PTH2R: variants seen among roughly 807,000 people sequenced by gnomAD.
The protein encoded by PTH2R is PTH2 receptor.
In PTH2R, 59 loss-of-function variants were observed where a neutral mutation model predicts 60.3. The observed-to-expected ratio is 0.98, with a 90% CI of 0.79 to 1.22. The LOEUF (loss-of-function observed/expected upper bound fraction) is 1.22. PTH2R is among the 50% of genes most tolerant of loss of function. The probability of loss-of-function intolerance (pLI) is 0.00; values close to 1 mark genes in which losing one functional copy is unlikely to be tolerated. For synonymous variants in PTH2R, 256 were observed against 243.8 expected, an observed-to-expected ratio of 1.05 and a Z score of -0.47; for missense variants, 749 against 682.6, an observed-to-expected ratio of 1.10 and a Z score of -1.08.
chr2:208,385,924 G>T (rs1247708038), intron 1 of PTH2R, among the ~76,000 whole-genome samples: 3 of 152,178 alleles, frequency 2.0e-5, no homozygotes, highest in Non-Finnish European at 4.4e-5. Context: ...AACATATAAA[G>T]ATATTGTTCA....
At chr2:208,390,596 C>G (rs533948636) in intron 1 of PTH2R, among the ~76,000 whole-genome samples, 3 of 152,292 alleles carry the variant, frequency 2.0e-5, no homozygotes, top group Admixed American at 2.0e-4. Flanking sequence ...GATAGTAAAA[C>G]ACTCATGTTT....
At chr2:208,400,552 G>A (rs1355576576) in intron 1 of PTH2R, among the ~76,000 whole-genome samples, 1 of 152,112 alleles carries the variant, frequency 6.6e-6, no homozygotes, top group Non-Finnish European at 1.5e-5. Context: ...ACTAAGGGAT[G>A]GTTCAGAGTA....
At chr2:208,474,108 G>C (rs1354657369) in intron 9 of PTH2R, among the ~76,000 whole-genome samples, 1 of 152,124 alleles carries the variant, frequency 6.6e-6, no homozygotes, top group Non-Finnish European at 1.5e-5. Flanking sequence ...CTCTTAACCA[G>C]TTGCTGACTG....
intron 8 of PTH2R, among the ~76,000 whole-genome samples, chr2:208,454,743 T>C (rs1559225342): frequency 6.6e-6 from 1 of 152,250 alleles, no homozygotes; most frequent in African/African-American, 2.4e-5. Context: ...TTTATGTTAA[T>C]AGAGAACAAT....
intron 12 of PTH2R, among the ~76,000 whole-genome samples, chr2:208,491,182 G>A (rs1370017559): frequency 6.6e-6 from 1 of 152,102 alleles, no homozygotes; most frequent in East Asian, 1.9e-4. Context: ...TGTTGGATGA[G>A]CTGCCATGTT....
intron 9 of PTH2R, among the ~76,000 whole-genome samples, chr2:208,465,388 C>CTTTTTTTTTTTTTTTTTT (rs60871321): frequency 5.0e-5 from 2 of 39,932 alleles, no homozygotes; most frequent in Non-Finnish European, 4.1e-5. Context: ...ATTTGTAAGT[C>CTTTTTTTTTTTTTTTTTT]TTTTTTTTTT....
At chr2:208,376,658 C>T (rs781304338) in intron 1 of PTH2R, among the ~76,000 whole-genome samples, 2 of 152,034 alleles carry the variant, frequency 1.3e-5, no homozygotes, top group Non-Finnish European at 1.5e-5. Context: ...AGAAAGCACA[C>T]ATCCAAATCA....
intron 7 of PTH2R, among the ~76,000 whole-genome samples, chr2:208,448,633 CAA>C (rs556508253): frequency 1.6e-5 from 2 of 123,352 alleles, no homozygotes; most frequent in African/African-American, 3.1e-5. Context: ...GAATCCGTCT[CAA>C]AAAAAAAAAG....
chr2:208,429,508 T>C (rs559995491), intron 2 of PTH2R, among the ~76,000 whole-genome samples: 20 of 152,278 alleles, frequency 1.3e-4, no homozygotes, highest in Admixed American at 1.1e-3. Flanking sequence ...ATTTAAAAAA[T>C]ATGTACAATT....
At chr2:208,464,829 C>A (rs1702709498) in intron 9 of PTH2R, among the ~76,000 whole-genome samples, 2 of 152,126 alleles carry the variant, frequency 1.3e-5, no homozygotes, top group Admixed American at 6.5e-5. Flanking sequence ...GCCTGGGCAA[C>A]AAAACAAAAC....
At chr2:208,371,078 C>T (rs1179354221) in intron 1 of PTH2R, among the ~76,000 whole-genome samples, 1 of 152,018 alleles carries the variant, frequency 6.6e-6, no homozygotes, top group Non-Finnish European at 1.5e-5. Flanking sequence ...TGGCACTAAG[C>T]CATTCATGAG....
chr2:208,403,605 AGTTATTATTGGTGTG>A (rs1041328472), upstream of PTH2R, among the ~76,000 whole-genome samples: 9 of 152,170 alleles, frequency 5.9e-5, no homozygotes, highest in African/African-American at 2.2e-4. Flanking sequence ...GATGGTGTTC[AGTTATTATTGGTGTG>A]TAGCAAGCTA....
intron 1 of PTH2R, among the ~76,000 whole-genome samples, chr2:208,374,670 GT>G (rs1700760791): frequency 6.6e-6 from 1 of 151,866 alleles, no homozygotes; most frequent in African/African-American, 2.4e-5. Flanking sequence ...GCCTGGCTAA[GT>G]TTTGTATTTT....
intron 8 of PTH2R, among the ~76,000 whole-genome samples, chr2:208,455,273 GTGTAAC>G (rs1394090275): frequency 1.3e-5 from 2 of 152,212 alleles, no homozygotes; most frequent in African/African-American, 2.4e-5. Flanking sequence ...ATTCTGAGAT[GTGTAAC>G]TGTATGACCT....
chr2:208,396,948 C>T (rs1292356676), intron 1 of PTH2R, among the ~76,000 whole-genome samples: 1 of 152,122 alleles, frequency 6.6e-6, no homozygotes, highest in African/African-American at 2.4e-5. Context: ...AAATGTGGCA[C>T]ATATATACCA....
chr2:208,480,994 A>C, intron 9 of PTH2R, 76 bp from the exon 10 acceptor site: 1 of 1,114,478 alleles, frequency 9.0e-7, no homozygotes, highest in Non-Finnish European at 1.3e-6. Flanking sequence ...AATGGAAAAA[A>C]TTTCAATTTA....
chr2:208,436,813 T>C (rs1288715839), intron 2 of PTH2R, among the ~76,000 whole-genome samples: 1 of 152,184 alleles, frequency 6.6e-6, no homozygotes, highest in African/African-American at 2.4e-5. Flanking sequence ...CAGCACATTC[T>C]ATAGTTATTC....
At chr2:208,485,378 T>G (rs1439829214) in intron 10 of PTH2R, among the ~76,000 whole-genome samples, 3 of 152,170 alleles carry the variant, frequency 2.0e-5, no homozygotes, top group African/African-American at 7.2e-5. Context: ...TGCTATCAGT[T>G]GGTACATCCC....
At chr2:208,386,791 T>TGTG (rs937145481) in intron 1 of PTH2R, among the ~76,000 whole-genome samples, 9 of 152,298 alleles carry the variant, frequency 5.9e-5, no homozygotes, top group African/African-American at 2.2e-4. Context: ...CTAAGGACAC[T>TGTG]AATCCCATGA....
Sources: gnomAD v4.1 joint callset for allele counts (sites outside exome capture counted in the v4.1 genomes callset) on GRCh38, gnomAD v4.1.1 for gene constraint, MANE v1.5 for transcripts, NCBI Gene and HGNC (gene_info 2026-07-23, HGNC 2026-07-21) for gene names.